Variants in RCBTB1 observed in about 807,000 individuals in gnomAD.
The protein encoded by RCBTB1 is RCC1 and BTB domain-containing protein 1.
RCBTB1 carries 46 observed loss-of-function variants against 62.4 expected under a neutral mutation model. The ratio of observed to expected loss-of-function variants is 0.74; its 90% CI spans 0.58 to 0.94. RCBTB1 has a LOEUF of 0.94. RCBTB1 is among the 40% of genes least tolerant of loss of function. The pLI is 0.00. For synonymous variants in RCBTB1, 222 were observed against 245.8 expected (o/e 0.90, Z 0.91); for missense variants, 565 against 654.9 (o/e 0.86, Z 1.50).
intron 4 of RCBTB1, among the ~76,000 whole-genome samples, chr13:49,561,972 G>A (rs973848333): frequency 2.6e-5 from 4 of 151,154 alleles, no homozygotes; most frequent in African/African-American, 7.3e-5. Context: ...GCATGGTAGC[G>A]CGCACCTGTA....
chr13:49,536,336 GTT>G (rs1273791420), intron 12 of RCBTB1, among the ~76,000 whole-genome samples: 5 of 152,314 alleles, frequency 3.3e-5, no homozygotes, highest in East Asian at 3.9e-4. Context: ...GAATTTGCAA[GTT>G]CACCAGAGAG....
intron 12 of RCBTB1, among the ~76,000 whole-genome samples, chr13:49,540,164 C>G (rs1443311745): frequency 6.6e-6 from 1 of 152,216 alleles, no homozygotes; most frequent in African/African-American, 2.4e-5. Flanking sequence ...CTTTAAGGTA[C>G]TATCTTCATC....
In RCBTB1 at chr13:49,555,464, G is replaced by A. The variant is rs373602247; in HGVS notation, c.603+51C>T. The A allele has an allele frequency of 1.8e-5, 26 of 1,434,152 alleles. No homozygotes were observed. In the African/African-American group the frequency reaches 2.5e-4, roughly 14 times the overall value. The allele number at this position is 1,434,152 out of a possible 1,614,324, so 88.8% of individuals were successfully genotyped here. On this transcript the variant is annotated intron_variant, in intron 6 of 12. Transcript: ENST00000378302. Reference sequence around the variant, plus strand: ...ACATTCACCTTGTGAAGAAACTGACGTGTAATTGAAAAAGAAGGTAGAAAG... The same window carrying A: ...ACATTCACCTTGTGAAGAAACTGACATGTAATTGAAAAAGAAGGTAGAAAG...
chr13:49,553,477 C>A (rs1961562396), intron 6 of RCBTB1, among the ~76,000 whole-genome samples: 1 of 152,012 alleles, frequency 6.6e-6, no homozygotes, highest in African/African-American at 2.4e-5. Context: ...GAAGACTTCC[C>A]AGAACGTGAC....
intron 2 of RCBTB1, among the ~76,000 whole-genome samples, chr13:49,573,448 CT>C (rs66529613): frequency 0.2 from 26,456 of 129,748 alleles, 2,560 homozygotes; most frequent in East Asian, 0.5. Flanking sequence ...AATTCCTCAT[CT>C]TTTTTTTTTT....
intron 9 of RCBTB1, 38 bp downstream of exon 9, chr13:49,549,420 C>G (rs374782051): frequency 6.4e-7 from 1 of 1,570,524 alleles, no homozygotes; most frequent in African/African-American, 1.4e-5. Flanking sequence ...TTGGTAGTAC[C>G]ATTCTTCCTG....
chr13:49,551,573 T>C, intron 7 of RCBTB1, 105 bp from the exon 8 acceptor site: 1 of 1,274,734 alleles, frequency 7.8e-7, no homozygotes, highest in Non-Finnish European at 1.1e-6. Context: ...CAAATCATCA[T>C]CAGGGGTGGA....
In RCBTB1 at chr13:49,552,276, A is replaced by C; in HGVS notation, c.613T>G (p.Trp205Gly). The change falls in exon 7 of 13, where the codon TGG (tryptophan) becomes GGG (glycine). Residue 205 changes from tryptophan to glycine, a missense_variant. Trp to Gly is a radical substitution (Grantham distance 184). Transcript: ENST00000378302. The stretch of plus-strand genomic sequence containing the variant: ...AGCTGACCGTTGCCATTGTAACCCC[A>C]GCCATATACCTTAGAGAGGACAGAA... ...AVLDNGEVYG[W>G]GYNGNGQLGL... 6.3e-7 allele frequency: 1 copy of C among 1,597,574 alleles called. No individual in the cohort carries two copies. Among genetic ancestry groups the C allele is most frequent in the Non-Finnish European group, 8.5e-7 (1 of 1,169,760 alleles).
intron 6 of RCBTB1, 47 bp from the exon 7 acceptor site, chr13:49,552,332 A>T (rs767579796): frequency 9.3e-6 from 12 of 1,285,644 alleles, no homozygotes; most frequent in Non-Finnish European, 1.2e-5. Flanking sequence ...AACTGCTGGT[A>T]AGAAGGAAGA....
At chr13:49,571,518 TA>T (rs1963400203) in intron 2 of RCBTB1, among the ~76,000 whole-genome samples, 1 of 152,184 alleles carries the variant, frequency 6.6e-6, no homozygotes, top group Non-Finnish European at 1.5e-5. Flanking sequence ...GCTCACAACA[TA>T]CAAGGTGCAT....
chr13:49,567,366 A>C (rs910262652), intron 2 of RCBTB1, 46 bp from the exon 3 acceptor site: 5 of 1,447,214 alleles, frequency 3.5e-6, no homozygotes, highest in Non-Finnish European at 4.7e-6. Context: ...ATAGTCACTG[A>C]GCTAACTTTC....
At chr13:49,565,610 A>G (rs1962904940) in intron 4 of RCBTB1, among the ~76,000 whole-genome samples, 1 of 132,110 alleles carries the variant, frequency 7.6e-6, no homozygotes, top group African/African-American at 3.3e-5. Flanking sequence ...GGATGTGAGG[A>G]GCGCCTCTGC....
At chr13:49,578,939 G>C (rs1398621374) in intron 2 of RCBTB1, among the ~76,000 whole-genome samples, 1 of 152,070 alleles carries the variant, frequency 6.6e-6, no homozygotes. Flanking sequence ...CTACGGTTTG[G>C]GGTAAACTTT....
intron 5 of RCBTB1, 102 bp downstream of exon 5, chr13:49,559,816 T>A: frequency 1.9e-6 from 2 of 1,076,262 alleles, no homozygotes; most frequent in Non-Finnish European, 2.6e-6. Context: ...TTAACACCAC[T>A]GAACTATACA....
chr13:49,551,708 G>A (rs1594281531), intron 7 of RCBTB1, among the ~76,000 whole-genome samples: 1 of 152,118 alleles, frequency 6.6e-6, no homozygotes, highest in Admixed American at 6.6e-5. Flanking sequence ...AGACCATCCT[G>A]GCTAACACGG....
chr13:49,555,292 A>C (rs1961751462), intron 6 of RCBTB1, among the ~76,000 whole-genome samples: 1 of 152,236 alleles, frequency 6.6e-6, no homozygotes, highest in Non-Finnish European at 1.5e-5. Context: ...AATACAACTT[A>C]GACATATAGA....
intron 6 of RCBTB1, 56 bp from the exon 7 acceptor site, chr13:49,552,341 G>C: frequency 1.7e-6 from 2 of 1,197,490 alleles, no homozygotes; most frequent in Non-Finnish European, 2.4e-6. Context: ...TAAGAAGGAA[G>C]AGACAAAAAA....
At position 49,551,367 on chromosome 13, in the gene RCBTB1, A is replaced by C; in HGVS notation, c.813T>G (p.Asn271Lys). 1 of 1,614,174 alleles carries C rather than the reference A, an allele frequency of 6.2e-7. No individual in the cohort carries two copies. Among genetic ancestry groups the C allele is most frequent in the Non-Finnish European group, 8.5e-7 (1 of 1,180,028 alleles). Reference sequence around the variant, plus strand: ...TGATGTGTGCTGGGCTTAGCAGGTTATTTTTATTGCCAGTTCCCAGCTGCC... The same window carrying C: ...TGATGTGTGCTGGGCTTAGCAGGTTCTTTTTATTGCCAGTTCCCAGCTGCC... ...TYGQLGTGNK[N>K]NLLSPAHIMV... Residue 271 changes from asparagine (N) to lysine (K), a missense_variant, in exon 8 of 13, where the codon AAT (asparagine) becomes AAG (lysine). Asn to Lys is a moderately conservative substitution (Grantham distance 94). Coordinates refer to ENST00000378302, the MANE Select transcript of RCBTB1 (RefSeq NM_018191.4).
chr13:49,553,002 T>C (rs7981448), intron 6 of RCBTB1, among the ~76,000 whole-genome samples: 58,737 of 151,904 alleles, frequency 0.39, 13,769 homozygotes, highest in Non-Finnish European at 0.55. Context: ...GCCAACACAG[T>C]GAAACCCCAT....
Sources: allele counts gnomAD v4.1 joint callset (sites outside exome capture counted in the v4.1 genomes callset), GRCh38; gene constraint gnomAD v4.1.1; transcripts MANE v1.5; gene names NCBI Gene and HGNC (gene_info 2026-07-23, HGNC 2026-07-21).